PPP2R2B: variants seen among roughly 807,000 people sequenced by gnomAD.
PPP2R2B encodes serine/threonine-protein phosphatase 2A 55 kDa regulatory subunit B beta isoform.
In PPP2R2B, 5 loss-of-function variants were observed where a neutral mutation model predicts 46.0. That is an observed-to-expected ratio of 0.11 (90% CI 0.06 to 0.23). The LOEUF is 0.23. PPP2R2B is among the 10% of genes least tolerant of loss of function. The probability of loss-of-function intolerance (pLI) is 1.00; values close to 1 mark genes in which losing one functional copy is unlikely to be tolerated. For missense variants in PPP2R2B, 367 were observed against 575.0 expected, an observed-to-expected ratio of 0.64 and a Z score of 3.70; for synonymous variants, 215 against 206.7, an observed-to-expected ratio of 1.04 and a Z score of -0.34.
intron 1 of PPP2R2B, among the ~76,000 whole-genome samples, chr5:146,980,288 C>G (rs1753107958): frequency 6.6e-6 from 1 of 152,142 alleles, no homozygotes; most frequent in Admixed American, 6.6e-5. Flanking sequence ...TCTTGTAATT[C>G]AGGGAAGCAG....
intron 1 of PPP2R2B, among the ~76,000 whole-genome samples, chr5:146,995,886 A>G (rs553285145): frequency 6.6e-6 from 1 of 152,316 alleles, no homozygotes; most frequent in South Asian, 2.1e-4. Flanking sequence ...GTGTGCCAGA[A>G]CTTCATAAGG....
chr5:146,988,669 G>A (rs1211439729), intron 1 of PPP2R2B, among the ~76,000 whole-genome samples: 3 of 151,558 alleles, frequency 2.0e-5, no homozygotes, highest in Admixed American at 6.6e-5. Flanking sequence ...ATATTAAAAA[G>A]ATCTGAAATA....
chr5:147,022,598 G>T (rs1013062524), intron 1 of PPP2R2B, among the ~76,000 whole-genome samples: 1 of 151,426 alleles, frequency 6.6e-6, no homozygotes, highest in African/African-American at 2.4e-5. Flanking sequence ...TAAAGCCATA[G>T]AACTAAGAAA....
At chr5:146,746,610 T>C (rs1481990551) in intron 2 of PPP2R2B, among the ~76,000 whole-genome samples, 1 of 152,192 alleles carries the variant, frequency 6.6e-6, no homozygotes, top group East Asian at 1.9e-4. Flanking sequence ...CTCACTACAA[T>C]TATAAAATCT....
chr5:147,018,659 G>T (rs1433689844), intron 1 of PPP2R2B, among the ~76,000 whole-genome samples: 1 of 152,082 alleles, frequency 6.6e-6, no homozygotes. Flanking sequence ...GACCTGGAGA[G>T]GACTGGAACA....
chr5:146,789,998 A>T (rs370734951), intron 2 of PPP2R2B, among the ~76,000 whole-genome samples: 1 of 152,212 alleles, frequency 6.6e-6, no homozygotes, highest in East Asian at 1.9e-4. Context: ...TGAAATGCAG[A>T]GGTAAAATGT....
chr5:146,749,598 TTTC>T (rs1196867645), intron 2 of PPP2R2B, among the ~76,000 whole-genome samples: 3 of 151,084 alleles, frequency 2.0e-5, no homozygotes, highest in Non-Finnish European at 4.4e-5. Flanking sequence ...CTTTTTTTCT[TTTC>T]TTTTCTTTTT....
chr5:146,893,175 C>G (rs923515731), intron 1 of PPP2R2B, among the ~76,000 whole-genome samples: 32 of 152,170 alleles, frequency 2.1e-4, no homozygotes, highest in Admixed American at 1.4e-3. Flanking sequence ...GTAAAGACAT[C>G]TCTGACATTT....
At chr5:146,872,727 C>A (rs923206615) in intron 2 of PPP2R2B, among the ~76,000 whole-genome samples, 2 of 152,152 alleles carry the variant, frequency 1.3e-5, no homozygotes, top group Non-Finnish European at 2.9e-5. Flanking sequence ...TCTTATCCTA[C>A]CACATTGCTG....
chr5:147,024,818 C>T (rs779805036), intron 1 of PPP2R2B, among the ~76,000 whole-genome samples: 12 of 151,942 alleles, frequency 7.9e-5, no homozygotes, highest in Admixed American at 5.9e-4. Flanking sequence ...GATAAAGGCA[C>T]ACTTAGAAGA....
At chr5:146,677,057 GCT>G (rs577160282) in intron 5 of PPP2R2B, among the ~76,000 whole-genome samples, 33,660 of 152,046 alleles carry the variant, frequency 0.22, 5,135 homozygotes, top group African/African-American at 0.42. Context: ...TTTGTTGTCT[GCT>G]TTGTCTGCTT....
chr5:146,769,493 T>C (rs933795283), intron 2 of PPP2R2B, among the ~76,000 whole-genome samples: 19 of 152,226 alleles, frequency 1.2e-4, no homozygotes, highest in African/African-American at 4.6e-4. Context: ...ATTTAGCTTT[T>C]CTCACTAGAT....
At chr5:146,604,670 T>C (rs1772092628) in intron 7 of PPP2R2B, among the ~76,000 whole-genome samples, 2 of 152,178 alleles carry the variant, frequency 1.3e-5, no homozygotes, top group African/African-American at 4.8e-5. Context: ...AAGCTTTAAA[T>C]ACATTATTGC....
chr5:146,943,639 C>A (rs895729978), intron 1 of PPP2R2B, among the ~76,000 whole-genome samples: 1 of 151,872 alleles, frequency 6.6e-6, no homozygotes, highest in Non-Finnish European at 1.5e-5. Flanking sequence ...TTAGAATGGA[C>A]TTGATGTTAA....
At chr5:146,746,343 T>A (rs541537498) in intron 2 of PPP2R2B, among the ~76,000 whole-genome samples, 1 of 151,356 alleles carries the variant, frequency 6.6e-6, no homozygotes, top group South Asian at 2.1e-4. Flanking sequence ...ACAACATCTG[T>A]ATTAACTTTG....
In PPP2R2B at chr5:146,978,382, C is replaced by T. The variant is rs534231047; in HGVS notation, c.79+77283G>A. On this transcript the variant is annotated intron_variant, in intron 1 of 8. Coordinates refer to the PPP2R2B transcript ENST00000336640. ...AGAAGCTCTTTAGGTTAATTAGATCCCATTTGTCAATTTTGGCTTTTTTGC... is the reference window on the plus strand; with the variant it reads ...AGAAGCTCTTTAGGTTAATTAGATCTCATTTGTCAATTTTGGCTTTTTTGC... 1.8e-3 allele frequency among the ~76,000 whole-genome samples: 278 copies of T among 152,184 alleles called. 1 individual carries two copies. The highest frequency in any genetic ancestry group is 1.0e-3 in the Non-Finnish European group (69 of 68,012).
At chr5:146,690,294 G>A (rs761391338) in intron 5 of PPP2R2B, among the ~76,000 whole-genome samples, 1 of 152,088 alleles carries the variant, frequency 6.6e-6, no homozygotes, top group Non-Finnish European at 1.5e-5. Context: ...TACATCTAGA[G>A]ACCCTTCCCT....
chr5:146,667,542 A>T (rs1777078828), intron 5 of PPP2R2B, among the ~76,000 whole-genome samples: 1 of 151,966 alleles, frequency 6.6e-6, no homozygotes, highest in Admixed American at 6.6e-5. Context: ...GGCTCTTTAG[A>T]TTTTAAGAAC....
At chr5:146,707,052 T>C in intron 2 of PPP2R2B, 1 of 1,129,440 alleles carries the variant, frequency 8.9e-7, no homozygotes, top group Non-Finnish European at 1.3e-6. Context: ...TCTCCGTCTC[T>C]GTACTCTTAT....
Sources: gnomAD v4.1 joint callset for allele counts (sites outside exome capture counted in the v4.1 genomes callset) on GRCh38, gnomAD v4.1.1 for gene constraint, MANE v1.5 for transcripts, NCBI Gene and HGNC (gene_info 2026-07-23, HGNC 2026-07-21) for gene names.